The following TIAM2 variants were observed in gnomAD, a reference collection of about 807,000 sequenced individuals.
TIAM2 encodes TIAM Rac1 associated GEF 2, also known as rho guanine nucleotide exchange factor TIAM2.
Under a neutral mutation model 152.9 loss-of-function variants are expected in TIAM2, and 80 were observed. That is an observed-to-expected ratio of 0.52 (90% CI 0.44 to 0.63). TIAM2 has a LOEUF of 0.63. Among genes scored for constraint, TIAM2 ranks in the 30% least tolerant of loss-of-function variants. The probability of loss-of-function intolerance (pLI) is 0.00; values close to 1 mark genes in which losing one functional copy is unlikely to be tolerated. For missense variants in TIAM2, 1,965 were observed against 2,120.1 expected, an observed-to-expected ratio of 0.93 and a Z score of 1.44; for synonymous variants, 804 against 838.0, an observed-to-expected ratio of 0.96 and a Z score of 0.70.
chr6:155,144,751 C>A lies in TIAM2; in HGVS notation c.1776C>A (p.Asn592Lys). ...AAGAAAATGTGTTCTGCCTCAGCAA[C>A]TCCTTTGGAGATGTCTACCTTTTCC... ...PKKENVFCLS[N>K]SFGDVYLFQA... Residue 592 changes from asparagine (N) to lysine (K), a missense_variant, in exon 6 of 27, where the codon AAC (asparagine) becomes AAA (lysine). Coordinates refer to ENST00000682666, the MANE Select transcript of TIAM2 (RefSeq NM_012454.4). The A allele has an allele frequency of 6.2e-7, 1 of 1,611,064 alleles. No homozygotes were observed. Among genetic ancestry groups the A allele is most frequent in the Non-Finnish European group, 8.5e-7 (1 of 1,178,924 alleles).
intron 1 of TIAM2, among the ~76,000 whole-genome samples, chr6:155,010,566 C>T (rs1053180680): frequency 6.6e-6 from 1 of 152,130 alleles, no homozygotes; most frequent in Non-Finnish European, 1.5e-5. Flanking sequence ...ACCCATTCTC[C>T]TGCCTCAGCC....
At chr6:155,048,900 A>G (rs57247270) in intron 1 of TIAM2, among the ~76,000 whole-genome samples, 21,788 of 151,412 alleles carry the variant, frequency 0.14, 1,911 homozygotes, top group East Asian at 0.25. Context: ...TCCTGGGTTC[A>G]AGCAATTCTC....
chr6:155,206,282 C>T (rs1428448023), intron 14 of TIAM2, among the ~76,000 whole-genome samples: 1 of 152,190 alleles, frequency 6.6e-6, no homozygotes, highest in Non-Finnish European at 1.5e-5. Flanking sequence ...GAATCTCGCT[C>T]TGTCGCCCAG....
intron 2 of TIAM2, among the ~76,000 whole-genome samples, chr6:155,112,125 CTTTTTTTT>C (rs34148436): frequency 7.6e-6 from 1 of 131,406 alleles, no homozygotes; most frequent in African/African-American, 2.8e-5. Context: ...TTGGTTTCCT[CTTTTTTTT>C]TTTTTTTTTT....
At chr6:155,027,899 C>CTA (rs1182129146) in intron 1 of TIAM2, among the ~76,000 whole-genome samples, 40 of 80,292 alleles carry the variant, frequency 5.0e-4, no homozygotes, top group African/African-American at 1.7e-3. Flanking sequence ...TACATATATA[C>CTA]TATATAATAT....
At chr6:155,254,195 T>A (rs1490694034) in intron 25 of TIAM2, 135 bp downstream of exon 25, 1 of 1,043,248 alleles carries the variant, frequency 9.6e-7, no homozygotes, top group African/African-American at 1.6e-5. Flanking sequence ...AAAAGGCAAC[T>A]GAGGCCGCTA....
chr6:155,144,902 T>A, intron 6 of TIAM2, 124 bp downstream of exon 6: 2 of 1,140,588 alleles, frequency 1.8e-6, no homozygotes, highest in Non-Finnish European at 2.4e-6. Context: ...GATTTGGCCT[T>A]AAGCAACAGA....
chr6:155,257,149 T>C lies in TIAM2; in HGVS notation c.*28T>C, dbSNP rs755056403. ...TGATTCAATCCAGATATGGGTTAAA[T>C]TCCTCATTTTACTTTTAAACTGGTG... On this transcript the variant is annotated 3_prime_UTR_variant, in exon 27 of 27. Coordinates refer to ENST00000682666, the MANE Select transcript of TIAM2 (RefSeq NM_012454.4). The C allele has an allele frequency of 5.0e-6, 8 of 1,598,494 alleles. No homozygotes were observed. The highest frequency in any genetic ancestry group is 6.8e-6 in the Non-Finnish European group (8 of 1,171,520).
rs1779416650 is a variant in TIAM2 at position 155,130,274 on chromosome 6, A to G, written c.1051A>G (p.Ile351Val). ...CTCCAGAGTGGCACACGGGGACCCC[A>G]TCCAGTACAGTTCCTTCACTCTCCC... is the stretch of plus-strand genomic sequence containing the variant. ...VPSRVAHGDP[I>V]QYSSFTLPCR... Residue 351 changes from isoleucine (I) to valine (V), a missense_variant, in exon 4 of 27, where the codon ATC (isoleucine) becomes GTC (valine). By Grantham distance (29) the Ile-to-Val change is conservative. This residue lies in a region of TIAM2 where 1,025 missense variants were observed against 1,119.4 expected (regional missense o/e 0.92). Coordinates refer to ENST00000682666, the MANE Select transcript of TIAM2 (RefSeq NM_012454.4). The G allele has an allele frequency of 1.2e-6, 2 of 1,614,060 alleles. No homozygotes were observed.
intron 1 of TIAM2, among the ~76,000 whole-genome samples, chr6:155,047,688 G>GAGGAGA (rs71023609): frequency 2.2e-5 from 1 of 44,680 alleles, no homozygotes. Context: ...GAGAGAGAGA[G>GAGGAGA]GAGAGAGAGA....
intron 9 of TIAM2, among the ~76,000 whole-genome samples, chr6:155,167,654 T>A (rs1208581285): frequency 6.6e-6 from 1 of 152,222 alleles, no homozygotes; most frequent in Admixed American, 6.5e-5. Flanking sequence ...CTTTATTTTT[T>A]AAAAATTGTT....
chr6:155,192,978 T>C (rs1034793341), intron 14 of TIAM2, among the ~76,000 whole-genome samples: 1 of 152,250 alleles, frequency 6.6e-6, no homozygotes, highest in African/African-American at 2.4e-5. Flanking sequence ...TTAAAATTCA[T>C]TGGCCTATCT....
chr6:155,104,721 C>T (rs1778642163), intron 2 of TIAM2, among the ~76,000 whole-genome samples: 1 of 148,844 alleles, frequency 6.7e-6, no homozygotes, highest in Non-Finnish European at 1.5e-5. Context: ...CGTGCCTCTG[C>T]ACTCCAGCCT....
At chr6:155,238,083 G>A (rs550496977) in intron 15 of TIAM2, among the ~76,000 whole-genome samples, 96 of 152,316 alleles carry the variant, frequency 6.3e-4, no homozygotes, top group Non-Finnish European at 1.1e-3. Context: ...CAGCACTCAA[G>A]TCACATCTTG....
chr6:155,209,310 C>T (rs1192655263), intron 14 of TIAM2, among the ~76,000 whole-genome samples: 1 of 152,100 alleles, frequency 6.6e-6, no homozygotes, highest in Non-Finnish European at 1.5e-5. Flanking sequence ...ATGTGTTGAG[C>T]GCATGAACGG....
In TIAM2 at chr6:155,193,936, A is replaced by G. The variant is rs61221561; in HGVS notation, c.3064+10436A>G. On this transcript the variant is annotated intron_variant, in intron 14 of 26. Coordinates refer to ENST00000682666, the MANE Select transcript of TIAM2 (RefSeq NM_012454.4). ...GAGCAAAAGGCAAATGACATTTGAC[A>G]TTTGACATTTTTCTGAAAATAATTT... Among the ~76,000 whole-genome samples, 540 of 152,352 alleles carry G rather than the reference A, an allele frequency of 3.5e-3. 4 individuals carry two copies. Among genetic ancestry groups the G allele is most frequent in the African/African-American group, 0.012 (508 of 41,584 alleles).
At chr6:155,039,154 G>C (rs1047140126) in intron 1 of TIAM2, among the ~76,000 whole-genome samples, 1 of 151,564 alleles carries the variant, frequency 6.6e-6, no homozygotes, top group East Asian at 2.0e-4. Flanking sequence ...TGGAGACGGG[G>C]TTTGCCATGT....
intron 1 of TIAM2, among the ~76,000 whole-genome samples, chr6:155,060,656 G>C (rs1777557001): frequency 6.6e-6 from 1 of 152,104 alleles, no homozygotes; most frequent in Non-Finnish European, 1.5e-5. Flanking sequence ...CGTACTTTGG[G>C]AGGCCGAGGT....
intron 1 of TIAM2, among the ~76,000 whole-genome samples, chr6:155,070,246 A>G (rs1273921147): frequency 1.5e-4 from 11 of 74,874 alleles, no homozygotes; most frequent in East Asian, 4.0e-4. Context: ...TTTGAGATGG[A>G]GTCTCACTCT....
Sources: gnomAD v4.1 joint callset for allele counts (sites outside exome capture counted in the v4.1 genomes callset) on GRCh38, gnomAD v4.1.1 for gene constraint, gnomAD v4.1.1 regional missense constraint, MANE v1.5 for transcripts, NCBI Gene and HGNC (gene_info 2026-07-23, HGNC 2026-07-21) for gene names.